CUX1: variants seen among roughly 807,000 people sequenced by gnomAD.
CUX1 encodes cut like homeobox 1, also known as protein CASP.
A neutral mutation model predicts 158.8 loss-of-function variants in CUX1; 31 were observed. The ratio of observed to expected loss-of-function variants is 0.20; its 90% CI spans 0.15 to 0.26. The LOEUF (loss-of-function observed/expected upper bound fraction) is 0.26, where lower values mean the gene tolerates loss of function less well. CUX1 is among the 10% of genes least tolerant of loss of function. CUX1 has a pLI of 1.00. For missense variants in CUX1, 1,589 were observed against 2,014.6 expected, an observed-to-expected ratio of 0.79 and a Z score of 4.04; for synonymous variants, 879 against 862.1, an observed-to-expected ratio of 1.02 and a Z score of -0.34.
intron 4 of CUX1, among the ~76,000 whole-genome samples, chr7:102,079,965 G>A (rs933677227): frequency 6.6e-5 from 10 of 152,144 alleles, no homozygotes; most frequent in Non-Finnish European, 1.3e-4. Flanking sequence ...TGGAAGCAGC[G>A]TCCCTACCTT....
At chr7:102,163,068 C>A (rs1488284495) in intron 9 of CUX1, among the ~76,000 whole-genome samples, 1 of 152,144 alleles carries the variant, frequency 6.6e-6, no homozygotes, top group East Asian at 1.9e-4. Flanking sequence ...GCATGAGAAG[C>A]ATCCAGGGAG....
chr7:101,822,448 G>A (rs968839032), intron 1 of CUX1: 1 of 152,290 alleles, frequency 6.6e-6, no homozygotes, highest in Non-Finnish European at 1.5e-5. Context: ...TTCCCTGCAG[G>A]AAATGAACCA....
chr7:102,261,339 C>CA (rs1313686849), downstream of CUX1, among the ~76,000 whole-genome samples: 1 of 151,926 alleles, frequency 6.6e-6, no homozygotes, highest in Non-Finnish European at 1.5e-5. Flanking sequence ...ACTAAAAATA[C>CA]AAAAATTAGC....
chr7:101,989,476 CCAT>C (rs1158576480), intron 2 of CUX1, among the ~76,000 whole-genome samples: 14 of 152,206 alleles, frequency 9.2e-5, no homozygotes, highest in African/African-American at 3.4e-4. Context: ...CTGTAAGCCC[CCAT>C]GGAAGGTCCC....
chr7:101,976,612 T>G (rs898584111), intron 2 of CUX1, among the ~76,000 whole-genome samples: 1 of 152,192 alleles, frequency 6.6e-6, no homozygotes, highest in African/African-American at 2.4e-5. Flanking sequence ...ATAACTTTTT[T>G]GGGCAGCCAT....
At chr7:102,147,042 C>T (rs77792173) in intron 8 of CUX1, among the ~76,000 whole-genome samples, 5,202 of 152,122 alleles carry the variant, frequency 0.034, 132 homozygotes, top group Non-Finnish European at 0.052. Flanking sequence ...TTACTTCCAG[C>T]AAAAATGAAA....
chr7:101,940,869 A>G (rs1758140268), intron 2 of CUX1, among the ~76,000 whole-genome samples: 1 of 152,212 alleles, frequency 6.6e-6, no homozygotes, highest in African/African-American at 2.4e-5. Flanking sequence ...CTTGGCAATC[A>G]GTAGACCATC....
At chr7:102,193,731 G>A in intron 12 of CUX1, 111 bp from the exon 13 acceptor site, 1 of 1,073,828 alleles carries the variant, frequency 9.3e-7, no homozygotes, top group Non-Finnish European at 1.4e-6. Context: ...CTTGAACCTG[G>A]GCAGAGGTTG....
intron 19 of CUX1, chr7:102,280,750 C>G: frequency 5.7e-6 from 9 of 1,570,848 alleles, no homozygotes; most frequent in Non-Finnish European, 7.0e-6. Flanking sequence ...CTGCCACAAG[C>G]CAGGGCCTGT....
At chr7:102,135,183 C>A (rs1833762581) in intron 8 of CUX1, among the ~76,000 whole-genome samples, 1 of 152,046 alleles carries the variant, frequency 6.6e-6, no homozygotes, top group Non-Finnish European at 1.5e-5. Flanking sequence ...TTACTGACAG[C>A]CTGCTAGTGA....
intron 21 of CUX1, among the ~76,000 whole-genome samples, chr7:102,232,549 C>T (rs1554531191): frequency 6.6e-6 from 1 of 152,118 alleles, no homozygotes; most frequent in African/African-American, 2.4e-5. Context: ...AACGCTGGCC[C>T]CTCTGATCCC....
At chr7:102,265,855 G>A (rs1554544940) in intron 14 of CUX1, among the ~76,000 whole-genome samples, 2 of 151,826 alleles carry the variant, frequency 1.3e-5, no homozygotes, top group Non-Finnish European at 2.9e-5. Context: ...CGGACTAGGT[G>A]GCAGCAGTGG....
At chr7:102,076,617 C>T (rs1554476758) in intron 4 of CUX1, among the ~76,000 whole-genome samples, 1 of 152,106 alleles carries the variant, frequency 6.6e-6, no homozygotes, top group African/African-American at 2.4e-5. Context: ...CAGCACCCCT[C>T]ATGCCCCACA....
chr7:102,124,298 G>A (rs782506710), intron 8 of CUX1, among the ~76,000 whole-genome samples: 2 of 152,198 alleles, frequency 1.3e-5, no homozygotes, highest in East Asian at 3.8e-4. Context: ...CAGCAGTGCC[G>A]AATGCAGGCT....
At chr7:101,956,726 C>T (rs866404290) in intron 2 of CUX1, among the ~76,000 whole-genome samples, 2 of 152,182 alleles carry the variant, frequency 1.3e-5, no homozygotes, top group South Asian at 4.1e-4. Flanking sequence ...GCGGGCAGTG[C>T]GGGTTGAGTG....
At chr7:102,179,553 A>G (rs1792797096) in intron 11 of CUX1, among the ~76,000 whole-genome samples, 1 of 152,308 alleles carries the variant, frequency 6.6e-6, no homozygotes, top group East Asian at 1.9e-4. Context: ...GCTTCAGTCT[A>G]GGCTCCCTCC....
At chr7:102,038,628 G>A (rs536159906) in intron 3 of CUX1, among the ~76,000 whole-genome samples, 4 of 152,278 alleles carry the variant, frequency 2.6e-5, no homozygotes, top group South Asian at 2.1e-4. Context: ...GTACCTTGAC[G>A]CGGCAGTTTC....
At chr7:101,858,048 A>C (rs1041027933) in intron 1 of CUX1, among the ~76,000 whole-genome samples, 1 of 152,216 alleles carries the variant, frequency 6.6e-6, no homozygotes, top group African/African-American at 2.4e-5. Context: ...ACTTGAACCC[A>C]GGAGGCGGAG....
At chr7:102,102,766 A>G (rs113855314) in intron 5 of CUX1, among the ~76,000 whole-genome samples, 101 of 152,274 alleles carry the variant, frequency 6.6e-4, no homozygotes, top group African/African-American at 2.3e-3. Flanking sequence ...GCGGGCGACA[A>G]TTCCTAAGAG....
Sources: gnomAD v4.1 joint callset for allele counts (sites outside exome capture counted in the v4.1 genomes callset) on GRCh38, gnomAD v4.1.1 for gene constraint, MANE v1.5 for transcripts, NCBI Gene and HGNC (gene_info 2026-07-23, HGNC 2026-07-21) for gene names.